The following RBPMS variants were observed in gnomAD, a reference collection of about 807,000 sequenced individuals.
RBPMS encodes the protein RNA-binding protein with multiple splicing.
Under a neutral mutation model 26.8 loss-of-function variants are expected in RBPMS, and 7 were observed. The ratio of observed to expected loss-of-function variants is 0.26; its 90% CI spans 0.15 to 0.49. The LOEUF is 0.49. Among genes scored for constraint, RBPMS ranks in the 20% least tolerant of loss-of-function variants. The probability of loss-of-function intolerance (pLI) is 0.98; values close to 1 mark genes in which losing one functional copy is unlikely to be tolerated. For synonymous variants in RBPMS, 96 were observed against 93.3 expected (o/e 1.03, Z -0.17); for missense variants, 186 against 250.0 (o/e 0.74, Z 1.73).
chr8:30,537,069 A>G (rs1450731426), intron 5 of RBPMS, among the ~76,000 whole-genome samples: 1 of 152,168 alleles, frequency 6.6e-6, no homozygotes, highest in Non-Finnish European at 1.5e-5. Flanking sequence ...AGGTCATAGG[A>G]AGGAGGAGGA....
At chr8:30,390,545 G>T (rs1807669584) in intron 1 of RBPMS, among the ~76,000 whole-genome samples, 1 of 152,100 alleles carries the variant, frequency 6.6e-6, no homozygotes, top group Non-Finnish European at 1.5e-5. Context: ...TGATCCCTTT[G>T]CTAAGAGGAA....
chr8:30,512,472 G>A lies in RBPMS; in HGVS notation c.397+8036G>A, dbSNP rs184253586. The stretch of plus-strand genomic sequence containing the variant: ...GCATTGTTTTTTTTGTTGTTGTTTG[G>A]GTTTTTGTTACTGTTGTTGTTTTTT... On this transcript the variant is annotated intron_variant, in intron 5 of 8. Coordinates refer to ENST00000397323, the MANE Select transcript of RBPMS (RefSeq NM_001008710.3). Among the ~76,000 whole-genome samples the A allele has an allele frequency of 1.2e-3, 178 of 152,030 alleles. 1 individual carries two copies. Among genetic ancestry groups the A allele is most frequent in the South Asian group, 6.4e-3 (31 of 4,820 alleles).
chr8:30,541,933 G>A (rs921880899), intron 5 of RBPMS, among the ~76,000 whole-genome samples: 2 of 152,242 alleles, frequency 1.3e-5, no homozygotes, highest in African/African-American at 2.4e-5. Flanking sequence ...GTGTGTGTTA[G>A]GAGAGTGCTC....
At chr8:30,411,664 GA>G (rs796071124) in intron 1 of RBPMS, among the ~76,000 whole-genome samples, 59 of 28,230 alleles carry the variant, frequency 2.1e-3, no homozygotes, top group South Asian at 7.5e-3. Context: ...CCCTGTCTCA[GA>G]AAAAAAAAAA....
At chr8:30,452,433 T>C (rs768744651) in intron 1 of RBPMS, among the ~76,000 whole-genome samples, 15 of 152,084 alleles carry the variant, frequency 9.9e-5, no homozygotes, top group Non-Finnish European at 2.2e-4. Flanking sequence ...AGGTAGAATA[T>C]CACCAGGTGG....
chr8:30,561,192 T>C (rs926096781), intron 7 of RBPMS, among the ~76,000 whole-genome samples: 50 of 152,202 alleles, frequency 3.3e-4, no homozygotes, highest in African/African-American at 1.2e-3. Context: ...GGAATACCAT[T>C]CTTAAGCTAT....
intron 1 of RBPMS, among the ~76,000 whole-genome samples, chr8:30,434,776 AACACACACAC>A (rs33991199): frequency 2.0e-5 from 3 of 147,428 alleles, no homozygotes; most frequent in South Asian, 4.3e-4. Flanking sequence ...ATTCCCATAT[AACACACACAC>A]ACACACACAC....
chr8:30,466,142 CTG>C lies in RBPMS; in HGVS notation c.67-8635_67-8634del, dbSNP rs1302039364. Among the ~76,000 whole-genome samples the C allele has an allele frequency of 3.3e-5, 5 of 152,304 alleles. No homozygotes were observed. The East Asian group carries it at 7.7e-4, about 24-fold the overall frequency. On this transcript the variant is annotated intron_variant, in intron 1 of 8. Coordinates refer to ENST00000397323, the MANE Select transcript of RBPMS (RefSeq NM_001008710.3). ...TTCTACAGATTGTGTCAGCCAATAACTGTCACTTACAGCAAATACTAGTGGAT... is the reference window on the plus strand; with the variant it reads ...TTCTACAGATTGTGTCAGCCAATAACTCACTTACAGCAAATACTAGTGGAT...
intron 8 of RBPMS, among the ~76,000 whole-genome samples, chr8:30,568,166 A>G (rs1828025866): frequency 6.6e-6 from 1 of 152,200 alleles, no homozygotes; most frequent in South Asian, 2.1e-4. Context: ...ATTAAATGAA[A>G]ACGGAAGCAC....
chr8:30,441,946 G>A (rs1394900035), intron 1 of RBPMS, among the ~76,000 whole-genome samples: 1 of 151,806 alleles, frequency 6.6e-6, no homozygotes. Flanking sequence ...TGTGCCACCA[G>A]GTCCAGCTAA....
At chr8:30,563,349 C>CA (rs574514441) in intron 7 of RBPMS, among the ~76,000 whole-genome samples, 1 of 152,246 alleles carries the variant, frequency 6.6e-6, no homozygotes, top group Non-Finnish European at 1.5e-5. Context: ...TGAAAATTGT[C>CA]AGTTTCCCAG....
intron 1 of RBPMS, among the ~76,000 whole-genome samples, chr8:30,423,414 C>G (rs967437321): frequency 2.0e-5 from 3 of 152,124 alleles, no homozygotes; most frequent in African/African-American, 4.8e-5. Flanking sequence ...CTAGCTACCT[C>G]GGAGGGGACA....
chr8:30,499,136 C>G (rs757205262), intron 4 of RBPMS, among the ~76,000 whole-genome samples: 1 of 152,014 alleles, frequency 6.6e-6, no homozygotes, highest in African/African-American at 2.4e-5. Flanking sequence ...ATAAAAGGAG[C>G]AATGAAGGCA....
At chr8:30,409,989 T>G (rs1456600254) in intron 1 of RBPMS, among the ~76,000 whole-genome samples, 1 of 152,154 alleles carries the variant, frequency 6.6e-6, no homozygotes, top group Admixed American at 6.6e-5. Context: ...CTCAGTTTTT[T>G]AAAAGACAAT....
rs148427215 is a variant in RBPMS at position 30,536,285 on chromosome 8, G to A, written c.398-8209G>A. ...TAGGATTATAGGCATGTGCCACCAC[G>A]CCCAGCTAATTTTGTAGTTTTAGTG... is the stretch of plus-strand genomic sequence containing the variant. On this transcript the variant is annotated intron_variant, in intron 5 of 8. Transcript: ENST00000397323. Among the ~76,000 whole-genome samples the A allele has an allele frequency of 6.1e-3, 931 of 152,184 alleles. 9 individuals carry two copies. Among genetic ancestry groups the A allele is most frequent in the African/African-American group, 0.021 (872 of 41,528 alleles).
chr8:30,544,474 G>C lies in RBPMS; in HGVS notation c.398-20G>C, dbSNP rs376009437. 1.9e-6 allele frequency: 3 copies of C among 1,611,776 alleles called. No homozygotes were observed. The South Asian group carries it at 3.3e-5, about 18-fold the overall frequency. ...AGCTGTATGGTAACCACTAACTCTC[G>C]CCTTATTCTTTTCTTGCAGATGAGC... On this transcript the variant is annotated intron_variant, in intron 5 of 8. Coordinates refer to ENST00000397323, the MANE Select transcript of RBPMS (RefSeq NM_001008710.3).
intron 1 of RBPMS, among the ~76,000 whole-genome samples, chr8:30,462,023 A>G (rs1261755580): frequency 6.6e-6 from 1 of 152,134 alleles, no homozygotes; most frequent in East Asian, 1.9e-4. Context: ...TTGTATTAGT[A>G]GTTTATTTAT....
At chr8:30,528,773 C>CT (rs1450739290) in intron 5 of RBPMS, among the ~76,000 whole-genome samples, 1 of 152,152 alleles carries the variant, frequency 6.6e-6, no homozygotes, top group East Asian at 1.9e-4. Flanking sequence ...AGGTTTTAAG[C>CT]CAAGTCTGTC....
intron 8 of RBPMS, among the ~76,000 whole-genome samples, chr8:30,567,803 G>C (rs1828002000): frequency 6.6e-6 from 1 of 152,208 alleles, no homozygotes; most frequent in Non-Finnish European, 1.5e-5. Flanking sequence ...CCCCAGATGT[G>C]CCTGAGAGAG....
Sources: allele counts gnomAD v4.1 joint callset (sites outside exome capture counted in the v4.1 genomes callset), GRCh38; gene constraint gnomAD v4.1.1; transcripts MANE v1.5; gene names NCBI Gene and HGNC (gene_info 2026-07-23, HGNC 2026-07-21).